The following SEPTIN3 variants were observed in gnomAD, a reference collection of about 807,000 sequenced individuals.
SEPTIN3 encodes the protein neuronal-specific septin-3.
SEPTIN3 carries 15 observed loss-of-function variants against 45.1 expected under a neutral mutation model. That is an observed-to-expected ratio of 0.33 (90% confidence interval 0.22 to 0.51). The LOEUF (loss-of-function observed/expected upper bound fraction) is 0.51. SEPTIN3 is among the 20% of genes least tolerant of loss of function. The pLI, the probability that SEPTIN3 is intolerant of heterozygous loss-of-function variation, is 0.97. For missense variants in SEPTIN3, 289 were observed against 457.2 expected, an observed-to-expected ratio of 0.63 and a Z score of 3.35; for synonymous variants, 148 against 164.8, an observed-to-expected ratio of 0.90 and a Z score of 0.78.
intron 11 of SEPTIN3, chr22:41,995,414 T>C: frequency 1.0e-6 from 1 of 985,726 alleles, no homozygotes; most frequent in Non-Finnish European, 1.2e-6. Context: ...AGCTACCACC[T>C]GTCACCAGAG....
intron 7 of SEPTIN3, 25 bp from the exon 8 acceptor site, chr22:41,991,548 C>T (rs1300958043): frequency 1.9e-6 from 3 of 1,548,776 alleles, no homozygotes; most frequent in Admixed American, 1.7e-5. Flanking sequence ...CACTTGACTA[C>T]CTTGTTTCTT....
chr22:41,977,355 A>G (rs2078046462), intron 2 of SEPTIN3, among the ~76,000 whole-genome samples: 1 of 152,178 alleles, frequency 6.6e-6, no homozygotes, highest in South Asian at 2.1e-4. Flanking sequence ...AGACACGCAC[A>G]CACACACACA....
In SEPTIN3 at chr22:41,987,668, C is replaced by T. The variant is rs746420445; in HGVS notation, c.1954C>T (p.Leu652=). ...KYINEQYEKF[L]KEEVNIARKK... ...CATCAATGAGCAGTACGAGAAGTTC[C>T]TGAAGGAGGAGGTCAACATCGCCAG... Residue 652 remains leucine (L), a synonymous_variant, in exon 6 of 12, where the codon CTG becomes TTG. Transcript: ENST00000644076. 6.2e-7 allele frequency: 1 copy of T among 1,614,058 alleles called. No individual in the cohort carries two copies. The highest frequency in any genetic ancestry group is 8.5e-7 in the Non-Finnish European group (1 of 1,179,940).
Position 41,972,159 on chromosome 22 carries a change from C to G in SEPTIN3, c.667C>G (p.His223Asp), listed in dbSNP as rs1328004210. 2.5e-6 allele frequency: 1 copy of G among 399,016 alleles called. No homozygotes were observed. Among genetic ancestry groups the G allele is most frequent in the East Asian group, 3.6e-5 (1 of 28,090 alleles). 24.7% of individuals were successfully genotyped at this position (399,016 alleles called of 1,614,324 possible). A position where few individuals can be genotyped will look rare whatever the true frequency, so the allele number is the denominator to read the frequency against. Residue 223 changes from histidine to aspartate, a missense_variant, in exon 2 of 12, where the codon CAC becomes GAC. By Grantham distance (81) the His-to-Asp change is moderately conservative (BLOSUM62 -1). Transcript: ENST00000644076. ...GGGGCACCTTGTCTCAGTGACTGAC[C>G]ACATGCCTACCAGAGCTTCTCCAGG... is the stretch of plus-strand genomic sequence containing the variant. ...GQGHLVSVTD[H>D]MPTRASPGKG...
intron 5 of SEPTIN3, 44 bp from the exon 6 acceptor site, chr22:41,987,578 G>C (rs776110508): frequency 5.7e-6 from 9 of 1,590,220 alleles, no homozygotes; most frequent in Non-Finnish European, 7.8e-6. Context: ...TGAGCCCTAG[G>C]TCTTGTTCTT....
At position 41,976,935 on chromosome 22, in the gene SEPTIN3, G is replaced by T. The variant is rs1464395308; in HGVS notation, c.1504+3939G>T. The T allele has an allele frequency of 1.3e-5, 9 of 668,530 alleles. No homozygotes were observed. In the South Asian group the frequency reaches 3.1e-4, roughly 23 times the overall value. The allele number at this position is 668,530 out of a possible 1,614,324, so 41.4% of individuals were successfully genotyped here. A position where few individuals can be genotyped will look rare whatever the true frequency, so the allele number is the denominator to read the frequency against. On this transcript the variant is annotated intron_variant, in intron 2 of 11. Coordinates refer to ENST00000644076, the MANE Select transcript of SEPTIN3 (RefSeq NM_001363845.2). This position sits in a 1 kb window ranked among gnomAD's most constrained non-coding sequence, Gnocchi z 5.8. ...CGGCGGGGCCGCGGGCCGGGCGGGTGGGAGGAGAGCGCGAAGGGGCGAGGC... is the reference window on the plus strand; with the variant it reads ...CGGCGGGGCCGCGGGCCGGGCGGGTTGGAGGAGAGCGCGAAGGGGCGAGGC...
intron 3 of SEPTIN3, among the ~76,000 whole-genome samples, chr22:41,984,445 T>C (rs2078169985): frequency 6.6e-6 from 1 of 152,226 alleles, no homozygotes; most frequent in African/African-American, 2.4e-5. Context: ...TTCCTACTAG[T>C]GTCCGGGCAA....
chr22:41,997,032 C>A lies in SEPTIN3; in HGVS notation c.*65C>A. On this transcript the variant is annotated 3_prime_UTR_variant, in exon 12 of 12. Coordinates refer to ENST00000644076, the MANE Select transcript of SEPTIN3 (RefSeq NM_001363845.2). ...GCTGTTATTGCTGCAGGGCCAAGCC[C>A]TTTTTAGTGCTGTGCTCGTCCAGCT... 3.1e-6 allele frequency: 5 copies of A among 1,611,456 alleles called. No individual in the cohort carries two copies. The South Asian group carries it at 5.5e-5, about 18-fold the overall frequency.
chr22:41,974,662 C>CA (rs532915714), intron 2 of SEPTIN3, among the ~76,000 whole-genome samples: 2,121 of 72,890 alleles, frequency 0.029, 63 homozygotes, highest in African/African-American at 0.089. Flanking sequence ...GACTCCGTCT[C>CA]AAAAAAAAAA....
Position 41,981,646 on chromosome 22 carries a change from G to A in SEPTIN3, c.1506G>A (p.Gly502=). 1 of 1,610,716 alleles carries A rather than the reference G, an allele frequency of 6.2e-7. No homozygotes were observed. The highest frequency in any genetic ancestry group is 1.1e-5 in the South Asian group (1 of 90,840). Residue 502 remains glycine (G), a splice_region_variant and synonymous_variant, in exon 3 of 12, where the codon GGG becomes GGA. Transcript: ENST00000644076. ...ACCCCTCCCACCTTGGCTCTGCAGG[G>A]CTCCCAGAGACCAGGACGGACGCAG... ...ASLDLATEYK[G]LPETRTDAAM...
chr22:41,979,867 T>A (rs117807196), intron 2 of SEPTIN3, among the ~76,000 whole-genome samples: 1 of 152,200 alleles, frequency 6.6e-6, no homozygotes, highest in East Asian at 1.9e-4. Flanking sequence ...CCCCTCTCCC[T>A]CCCGCCCATC....
intron 2 of SEPTIN3, 38 bp from the exon 3 acceptor site, chr22:41,981,606 CT>C: frequency 1.3e-6 from 2 of 1,557,404 alleles, no homozygotes; most frequent in Non-Finnish European, 1.8e-6. Context: ...TGCCGTCCTC[CT>C]GATCACCCCT....
chr22:41,984,852 T>C (rs968386646), intron 3 of SEPTIN3, among the ~76,000 whole-genome samples: 29 of 66,888 alleles, frequency 4.3e-4, no homozygotes, highest in African/African-American at 1.2e-3. Context: ...TCCCTTTTTT[T>C]TTTTTTTTTT....
rs1389222332 is a variant in SEPTIN3 at position 41,995,792 on chromosome 22, G to A, written c.2505+1078G>A. The A allele has an allele frequency of 5.3e-6, 5 of 935,796 alleles. No individual in the cohort carries two copies. The South Asian group carries it at 2.0e-4, about 37-fold the overall frequency. The allele number at this position is 935,796 out of a possible 1,614,324, so 58.0% of individuals were successfully genotyped here. ...TGAGCTCACAGGCAGCCAATGTAAA[G>A]AGGGAAACACAGTGAGTTATGCAGT... On this transcript the variant is annotated intron_variant, in intron 11 of 11. Transcript: ENST00000644076.
At chr22:41,982,933 T>G (rs139249861) in intron 3 of SEPTIN3, among the ~76,000 whole-genome samples, 161 of 151,916 alleles carry the variant, frequency 1.1e-3, no homozygotes, top group Non-Finnish European at 1.8e-3. Flanking sequence ...AAGGGACCTT[T>G]GCCCCGTCTC....
At chr22:41,996,421 A>C in intron 11 of SEPTIN3, 40 of 986,488 alleles carry the variant, frequency 4.1e-5, no homozygotes, top group Non-Finnish European at 4.7e-5. Flanking sequence ...CTGGTCCTCT[A>C]TGAATCCCAG....
rs772404234 is a variant in SEPTIN3, at chr22:41,985,966, C to G, written c.1697-18C>G. 1 of 1,594,470 alleles carries G rather than the reference C, an allele frequency of 6.3e-7. No homozygotes were observed. Among genetic ancestry groups the G allele is most frequent in the Non-Finnish European group, 8.5e-7 (1 of 1,170,158 alleles). On this transcript the variant is annotated intron_variant, in intron 3 of 11. Transcript: ENST00000644076. Reference sequence around the variant, plus strand: ...TGGATGCAGAGTCTCCCTACCTCCTCCTCCTGCTTTGCTGTAGGCCAGAGT... The same window carrying G: ...TGGATGCAGAGTCTCCCTACCTCCTGCTCCTGCTTTGCTGTAGGCCAGAGT...
intron 3 of SEPTIN3, 126 bp from the exon 4 acceptor site, chr22:41,985,858 C>T: frequency 8.3e-7 from 1 of 1,205,936 alleles, no homozygotes; most frequent in South Asian, 1.6e-5. Flanking sequence ...TGGCCATCCC[C>T]CAGTGAGTGG....
chr22:41,974,121 G>A (rs573534356), intron 2 of SEPTIN3, among the ~76,000 whole-genome samples: 10 of 145,708 alleles, frequency 6.9e-5, no homozygotes, highest in African/African-American at 2.0e-4. Flanking sequence ...ATGATTGTGC[G>A]ACAGAGCAAG....
Sources: gnomAD v4.1 joint callset for allele counts (sites outside exome capture counted in the v4.1 genomes callset) on GRCh38, gnomAD v4.1.1 for gene constraint, Gnocchi (gnomAD v3.1) non-coding constraint, MANE v1.5 for transcripts, NCBI Gene and HGNC (gene_info 2026-07-23, HGNC 2026-07-21) for gene names.